The following ABL2 variants were observed in gnomAD, a reference collection of about 807,000 sequenced individuals.
ABL2 encodes the protein ABL proto-oncogene 2, non-receptor tyrosine kinase.
ABL2 carries 49 observed loss-of-function variants against 107.7 expected under a neutral mutation model. That is an observed-to-expected ratio of 0.45 (90% CI 0.36 to 0.58). The LOEUF is 0.58. Ranked by LOEUF, ABL2 falls within the 20% of genes least tolerant of loss-of-function variation. The pLI is 0.00. For missense variants in ABL2, 1,245 were observed against 1,457.0 expected (o/e 0.85, Z 2.37); for synonymous variants, 549 against 548.6 (o/e 1.00, Z -0.01).
At chr1:179,121,486 A>G in intron 5 of ABL2, 109 bp downstream of exon 5, 1 of 1,395,016 alleles carries the variant, frequency 7.2e-7, no homozygotes, top group South Asian at 1.3e-5. Flanking sequence ...TGTGCTTGGC[A>G]CTAGTGGGTG....
rs370218976 is a variant in ABL2 at position 179,108,269 on chromosome 1, A to G, written c.2998T>C (p.Ser1000Pro). ...MRLLQHPSIC[S>P]DPTEEPTALT... is the part of the protein sequence containing the mutation. ...GCAGTTGGCTCTTCTGTAGGGTCTG[A>G]GCAGATGGACGGATGCTGCAGTAGT... is the stretch of plus-strand genomic sequence containing the variant. The change falls in exon 12 of 12, where the codon TCA (serine) becomes CCA (proline). Residue 1000 changes from serine to proline, a missense_variant. Ser to Pro is a moderately conservative substitution (Grantham distance 74, BLOSUM62 -1). Transcript: ENST00000502732. 32 of 1,611,422 alleles carry G rather than the reference A, an allele frequency of 2.0e-5. No homozygotes were observed. Among genetic ancestry groups the G allele is most frequent in the Middle Eastern group, 3.3e-4 (2 of 6,084 alleles).
At chr1:179,169,317 G>T (rs1659579599) in intron 1 of ABL2, among the ~76,000 whole-genome samples, 1 of 152,136 alleles carries the variant, frequency 6.6e-6, no homozygotes, top group African/African-American at 2.4e-5. Context: ...GGGAGGCCGA[G>T]GCGGGCAGAT....
At chr1:179,123,608 TTC>T (rs1445173423) in intron 4 of ABL2, among the ~76,000 whole-genome samples, 3 of 152,194 alleles carry the variant, frequency 2.0e-5, no homozygotes, top group African/African-American at 7.2e-5. Context: ...TTCTCTGGAC[TTC>T]TCTCCCAAGG....
intron 1 of ABL2, among the ~76,000 whole-genome samples, chr1:179,207,003 A>G (rs1662009597): frequency 6.6e-6 from 1 of 152,190 alleles, no homozygotes; most frequent in African/African-American, 2.4e-5. Flanking sequence ...GAGACAGAAT[A>G]TGCAGTCTTA....
At chr1:179,165,800 T>A (rs772508789) in intron 1 of ABL2, among the ~76,000 whole-genome samples, 12 of 44,784 alleles carry the variant, frequency 2.7e-4, no homozygotes, top group Non-Finnish European at 6.4e-4. Context: ...CAAGACTTTA[T>A]TTTTTTTTTT....
chr1:179,199,276 G>T (rs1661514670), intron 1 of ABL2, among the ~76,000 whole-genome samples: 1 of 152,170 alleles, frequency 6.6e-6, no homozygotes, highest in African/African-American at 2.4e-5. Flanking sequence ...TATGGAAACA[G>T]TTTCTATGCC....
chr1:179,211,352 T>TA (rs954482676), intron 1 of ABL2, among the ~76,000 whole-genome samples: 10 of 151,774 alleles, frequency 6.6e-5, no homozygotes, highest in African/African-American at 1.9e-4. Flanking sequence ...ATGTAATCCC[T>TA]AAAAAAATTT....
At chr1:179,188,938 G>A (rs1269871113) in intron 1 of ABL2, among the ~76,000 whole-genome samples, 2 of 152,158 alleles carry the variant, frequency 1.3e-5, no homozygotes, top group East Asian at 1.9e-4. Flanking sequence ...GAGATTAAAT[G>A]TATACCCCTT....
At position 179,121,623 on chromosome 1, in the gene ABL2, C is replaced by G; in HGVS notation, c.932G>C (p.Ser311Thr). ...EVYVGVWKKY[S>T]LTVAVKTLKE... ...CAATGTTTTCACAGCAACTGTAAGG[C>G]TGTATTTCTTCCAGACGCCAACGTA... The change falls in exon 5 of 12, where the codon AGC becomes ACC. Residue 311 changes from serine (S) to threonine (T), a missense_variant. By Grantham distance (58) the Ser-to-Thr change is moderately conservative (BLOSUM62 1). Coordinates refer to ENST00000502732, the MANE Select transcript of ABL2 (RefSeq NM_007314.4). 1 of 1,614,184 alleles carries G rather than the reference C, an allele frequency of 6.2e-7. No homozygotes were observed. Among genetic ancestry groups the G allele is most frequent in the Non-Finnish European group, 8.5e-7 (1 of 1,180,004 alleles).
At chr1:179,162,000 T>C (rs528667148) in intron 1 of ABL2, among the ~76,000 whole-genome samples, 5 of 152,182 alleles carry the variant, frequency 3.3e-5, no homozygotes, top group Non-Finnish European at 7.3e-5. Flanking sequence ...GCAAGACAGA[T>C]GCCGGCCCGT....
intron 1 of ABL2, among the ~76,000 whole-genome samples, chr1:179,142,347 GT>G (rs1292123087): frequency 3.3e-5 from 5 of 152,074 alleles, no homozygotes; most frequent in Non-Finnish European, 7.4e-5. Flanking sequence ...ATAGCCACTT[GT>G]ACAAAGTAAA....
chr1:179,187,236 C>T (rs912393229), intron 1 of ABL2, among the ~76,000 whole-genome samples: 2 of 152,192 alleles, frequency 1.3e-5, no homozygotes, highest in African/African-American at 4.8e-5. Context: ...ATACCAGATG[C>T]AGCAGGTTTG....
chr1:179,201,428 T>A lies in ABL2; in HGVS notation c.157+27813A>T, dbSNP rs143497197. ...ATACATTATGGGATGATTAAATTAT[T>A]TGTCTATACTTAAGTAGAATATCTA... On this transcript the variant is annotated intron_variant, in intron 1 of 11. Coordinates refer to ENST00000502732, the MANE Select transcript of ABL2 (RefSeq NM_007314.4). 4.7e-3 allele frequency: 807 copies of A among 172,088 alleles called. 6 individuals are homozygous for A. Among genetic ancestry groups the A allele is most frequent in the African/African-American group, 0.018 (761 of 41,900 alleles). 10.7% of individuals were successfully genotyped at this position (172,088 alleles called of 1,614,324 possible). A position where few individuals can be genotyped will look rare whatever the true frequency, so the allele number is the denominator to read the frequency against.
chr1:179,166,331 T>A (rs1404954177), intron 1 of ABL2, among the ~76,000 whole-genome samples: 1 of 151,422 alleles, frequency 6.6e-6, no homozygotes, highest in Non-Finnish European at 1.5e-5. Context: ...GAGAAAATAT[T>A]TGCAAACTAT....
chr1:179,127,374 C>T (rs981841923), intron 3 of ABL2, among the ~76,000 whole-genome samples: 2 of 152,132 alleles, frequency 1.3e-5, no homozygotes, highest in Admixed American at 6.6e-5. Context: ...ATGAATCACT[C>T]CTTTCCATTC....
At chr1:179,209,171 T>C (rs1328204085) in intron 1 of ABL2, among the ~76,000 whole-genome samples, 1 of 152,204 alleles carries the variant, frequency 6.6e-6, no homozygotes, top group African/African-American at 2.4e-5. Flanking sequence ...TCTCATCTTC[T>C]TCTCTGAAGT....
Position 179,108,501 on chromosome 1 carries a change from G to A in ABL2, c.2766C>T (p.Val922=), listed in dbSNP as rs551043194. Reference sequence around the variant, plus strand: ...CTTTGTGGTTGTGAGTGGTTGGGAGGACGGGGGCAGCCTTGGCTGGAGAAG... The same window carrying A: ...CTTTGTGGTTGTGAGTGGTTGGGAGAACGGGGGCAGCCTTGGCTGGAGAAG... ...GWPSPAKAAP[V]LPTTHNHKVP... The change falls in exon 12 of 12, where the codon GTC becomes GTT. Residue 922 remains valine, a synonymous_variant. Coordinates refer to ENST00000502732, the MANE Select transcript of ABL2 (RefSeq NM_007314.4). The A allele has an allele frequency of 1.2e-5, 20 of 1,614,176 alleles. No individual in the cohort carries two copies. The African/African-American group carries it at 2.5e-4, about 20-fold the overall frequency.
At position 179,106,621 on chromosome 1, in the gene ABL2, G is replaced by A. The variant is rs1653489427; in HGVS notation, c.*1097C>T. On this transcript the variant is annotated 3_prime_UTR_variant, in exon 12 of 12. Transcript: ENST00000502732. The stretch of plus-strand genomic sequence containing the variant: ...GATTGGGCTTAAGGTGGTAAGGGAA[G>A]GGAAAGGTACAGAGAAACAGCCATT... The A allele has an allele frequency of 1.7e-5, 4 of 232,370 alleles. No homozygotes were observed. In the East Asian group the frequency reaches 2.4e-4, roughly 14 times the overall value. The allele number at this position is 232,370 out of a possible 1,614,324, so 14.4% of individuals were successfully genotyped here.
rs773341075 is a variant in ABL2, at chr1:179,109,115, A to T, written c.2152T>A (p.Tyr718Asn). 20 of 1,603,156 alleles carry T rather than the reference A, an allele frequency of 1.2e-5. No individual in the cohort carries two copies. The Middle Eastern group carries it at 5.0e-4, about 40-fold the overall frequency. Residue 718 changes from tyrosine to asparagine, a missense_variant, in exon 12 of 12, where the codon TAT becomes AAT. Physicochemically the swap from Tyr to Asn is moderately radical, Grantham distance 143. Around this residue, in one of 3 missense-constraint regions of ABL2, gnomAD observed 761 missense variants for 766.4 expected, o/e 0.99. Transcript: ENST00000502732. ...QEANLVPPKCYGGSFAQRNLC... is the reference protein window; with the variant it reads ...QEANLVPPKCNGGSFAQRNLC... ...TTCCTCTGTGCAAAGCTCCCCCCAT[A>T]GCACTTGGGTGGCACCAGATTCGCC...
Sources: gnomAD v4.1 joint callset for allele counts (sites outside exome capture counted in the v4.1 genomes callset) on GRCh38, gnomAD v4.1.1 for gene constraint, gnomAD v4.1.1 regional missense constraint, MANE v1.5 for transcripts, NCBI Gene and HGNC (gene_info 2026-07-23, HGNC 2026-07-21) for gene names.